ROBO2: variants seen among roughly 807,000 people sequenced by gnomAD.
The protein encoded by ROBO2 is roundabout guidance receptor 2, also known as roundabout homolog 2.
ROBO2 carries 53 observed loss-of-function variants against 160.8 expected under a neutral mutation model. The observed-to-expected ratio is 0.33, with a 90% CI of 0.26 to 0.41. The LOEUF (loss-of-function observed/expected upper bound fraction) is 0.41. Ranked by LOEUF, ROBO2 falls within the 10% of genes least tolerant of loss-of-function variation. ROBO2 has a pLI of 1.00. For synonymous variants in ROBO2, 664 were observed against 611.7 expected, an observed-to-expected ratio of 1.09 and a Z score of -1.26; for missense variants, 1,577 against 1,722.4, an observed-to-expected ratio of 0.92 and a Z score of 1.49.
At chr3:77,417,002 G>T (rs1201436270) in intron 2 of ROBO2, among the ~76,000 whole-genome samples, 2 of 152,038 alleles carry the variant, frequency 1.3e-5, no homozygotes, top group African/African-American at 4.8e-5. Flanking sequence ...TGAATATTAG[G>T]TAATTTTAAG....
chr3:76,066,558 A>C (rs1274566086), intron 2 of ROBO2, among the ~76,000 whole-genome samples: 1 of 152,018 alleles, frequency 6.6e-6, no homozygotes, highest in Non-Finnish European at 1.5e-5. Flanking sequence ...AGCAAGAATA[A>C]ATTTAAGAGA....
rs191466170 is a variant in ROBO2 at position 76,952,368 on chromosome 3, C to T, written c.110-145646C>T. On this transcript the variant is annotated intron_variant, in intron 2 of 26. Coordinates refer to the ROBO2 transcript ENST00000487694. Reference sequence around the variant, plus strand: ...CACGATCTTGGCTCACCACAACCTCCGCCTCCCGGGTTCAAGTGATTCTCC... The same window carrying T: ...CACGATCTTGGCTCACCACAACCTCTGCCTCCCGGGTTCAAGTGATTCTCC... Among the ~76,000 whole-genome samples the T allele has an allele frequency of 1.7e-3, 253 of 152,218 alleles. 1 individual carries two copies. Among genetic ancestry groups the T allele is most frequent in the African/African-American group, 5.2e-3 (218 of 41,534 alleles).
chr3:77,134,892 G>C (rs966365079), intron 2 of ROBO2, among the ~76,000 whole-genome samples: 2 of 152,206 alleles, frequency 1.3e-5, no homozygotes, highest in Non-Finnish European at 1.5e-5. Context: ...TTCCTCTACT[G>C]TGGATCATAG....
At chr3:76,759,628 A>G (rs2108351599) in intron 2 of ROBO2, among the ~76,000 whole-genome samples, 1 of 151,540 alleles carries the variant, frequency 6.6e-6, no homozygotes. Flanking sequence ...CAAACCATAA[A>G]AAGTACATGG....
chr3:76,543,510 A>T (rs1401043444), intron 2 of ROBO2, among the ~76,000 whole-genome samples: 1 of 152,132 alleles, frequency 6.6e-6, no homozygotes, highest in East Asian at 1.9e-4. Context: ...ACAGAAAGGA[A>T]GATGTAGCAG....
At chr3:77,239,899 C>T (rs563064387) in intron 2 of ROBO2, among the ~76,000 whole-genome samples, 17 of 152,208 alleles carry the variant, frequency 1.1e-4, no homozygotes, top group Middle Eastern at 3.4e-3. Context: ...TAGCTAGATA[C>T]GGAGGGCTGA....
In ROBO2 at chr3:76,537,464, G is replaced by A. The variant is rs75096616; in HGVS notation, c.110-560550G>A. ...AAACTTTTTAAGAACACAGGCTAAG[G>A]GGGAAGAAATTGAAGGAGAGAGAGA... On this transcript the variant is annotated intron_variant, in intron 2 of 26. Transcript: ENST00000487694. Among the ~76,000 whole-genome samples, 40 of 152,178 alleles carry A rather than the reference G, an allele frequency of 2.6e-4. 2 individuals carry two copies. The South Asian group carries it at 2.7e-3, about 10-fold the overall frequency.
chr3:76,175,829 A>G lies in ROBO2; in HGVS notation c.109+238227A>G, dbSNP rs563461978. 7.9e-5 allele frequency among the ~76,000 whole-genome samples: 12 copies of G among 152,310 alleles called. No individual in the cohort carries two copies. In the South Asian group the frequency reaches 2.5e-3, roughly 32 times the overall value. On this transcript the variant is annotated intron_variant, in intron 2 of 26. Transcript: ENST00000487694. ...TCATCTCAGAAACCAGGGCCAGGAA[A>G]ACATTACTTTTCCCTCCTGGATGAA...
intron 13 of ROBO2, among the ~76,000 whole-genome samples, chr3:77,572,792 T>G (rs776370047): frequency 6.6e-6 from 1 of 152,036 alleles, no homozygotes. Flanking sequence ...AACATTCATT[T>G]GTTGCCCCCA....
chr3:76,460,010 A>G (rs1450393250), intron 2 of ROBO2, among the ~76,000 whole-genome samples: 4 of 152,186 alleles, frequency 2.6e-5, no homozygotes, highest in Admixed American at 6.5e-5. Context: ...TAAAAAGAAG[A>G]AAGCTTAGAA....
At chr3:76,913,453 G>A (rs1274122101) in intron 2 of ROBO2, among the ~76,000 whole-genome samples, 1 of 152,126 alleles carries the variant, frequency 6.6e-6, no homozygotes, top group African/African-American at 2.4e-5. Flanking sequence ...CCTGTACTAT[G>A]TGTGTATGTT....
At chr3:76,336,314 T>C (rs1352966336) in intron 2 of ROBO2, among the ~76,000 whole-genome samples, 3 of 152,232 alleles carry the variant, frequency 2.0e-5, no homozygotes, top group African/African-American at 7.2e-5. Context: ...CTATAAGACT[T>C]AGTCATGCTA....
intron 2 of ROBO2, among the ~76,000 whole-genome samples, chr3:76,914,100 A>G (rs2076165765): frequency 6.6e-6 from 1 of 152,216 alleles, no homozygotes; most frequent in Non-Finnish European, 1.5e-5. Flanking sequence ...AAATTAAAAT[A>G]ATAGTTTAAA....
rs1252368803 is a variant in ROBO2, at chr3:76,872,957, T to C, written c.110-225057T>C. 2.0e-5 allele frequency among the ~76,000 whole-genome samples: 3 copies of C among 152,114 alleles called. No individual in the cohort carries two copies. In the East Asian group the frequency reaches 5.8e-4, roughly 29 times the overall value. On this transcript the variant is annotated intron_variant, in intron 2 of 26. Transcript: ENST00000487694. ...AAATGTATTTAGATACTGGCAATTT[T>C]AAAAGTGTTACTTAAAAGTGGCGTT...
chr3:76,765,096 G>C (rs913108392), intron 2 of ROBO2, among the ~76,000 whole-genome samples: 1 of 151,460 alleles, frequency 6.6e-6, no homozygotes, highest in African/African-American at 2.4e-5. Flanking sequence ...AATGTCTATT[G>C]TTCCACTCTG....
chr3:76,310,037 G>T (rs1475077166), intron 2 of ROBO2, among the ~76,000 whole-genome samples: 1 of 151,686 alleles, frequency 6.6e-6, no homozygotes, highest in East Asian at 1.9e-4. Flanking sequence ...GCCCAGTCTG[G>T]TATGAAACTC....
intron 2 of ROBO2, among the ~76,000 whole-genome samples, chr3:76,267,895 A>C (rs1334053267): frequency 2.0e-5 from 3 of 152,128 alleles, no homozygotes; most frequent in Non-Finnish European, 4.4e-5. Context: ...ACATTACTAC[A>C]TCTTTCTGTA....
chr3:76,299,349 G>A (rs1405374891), intron 2 of ROBO2, among the ~76,000 whole-genome samples: 2 of 152,138 alleles, frequency 1.3e-5, no homozygotes, highest in Non-Finnish European at 2.9e-5. Context: ...GCAAGCGAGG[G>A]ATTTGATGAA....
chr3:76,981,176 A>G (rs1380319556), intron 2 of ROBO2, among the ~76,000 whole-genome samples: 1 of 152,212 alleles, frequency 6.6e-6, no homozygotes, highest in African/African-American at 2.4e-5. Context: ...GTGTAAACAT[A>G]TACTTTTATT....
Sources: gnomAD v4.1 joint callset for allele counts (sites outside exome capture counted in the v4.1 genomes callset) on GRCh38, gnomAD v4.1.1 for gene constraint, MANE v1.5 for transcripts, NCBI Gene and HGNC (gene_info 2026-07-23, HGNC 2026-07-21) for gene names.